The following CT47B1 variants were observed in gnomAD, a reference collection of about 807,000 sequenced individuals.
CT47B1 encodes the protein cancer/testis antigen family 47 member B1, also known as cancer/testis CT47 family, member 13.
In CT47B1, 24 loss-of-function variants were observed where a neutral mutation model predicts 12.8. The ratio of observed to expected loss-of-function variants is 1.87; its 90% CI spans 1.36 to 2.63. CT47B1 has a LOEUF of 2.63. CT47B1 is among the 30% of genes most tolerant of loss of function. CT47B1 has a pLI of 0.00. For synonymous variants in CT47B1, 228 were observed against 133.3 expected (o/e 1.71, Z -4.89); for missense variants, 523 against 271.3 (o/e 1.93, Z -6.52).
rs199691396 is a variant in CT47B1, at chrX:120,875,301, A to G, written c.370T>C (p.Phe124Leu). The G allele has an allele frequency of 4.4e-4, 527 of 1,210,153 alleles. 3 individuals are homozygous for G. The highest frequency in any genetic ancestry group is 4.9e-4 in the Non-Finnish European group (441 of 894,662). Reference sequence around the variant, plus strand: ...AGAAGGGAGTGGACCAGGTACAGGAACACGAAGCCAATGCCCGCCGCCGGG... The same window carrying G: ...AGAAGGGAGTGGACCAGGTACAGGAGCACGAAGCCAATGCCCGCCGCCGGG... ...RYPAAGIGFV[F>L]LYLVHSLLRR... is the part of the protein sequence containing the mutation. The change falls in exon 1 of 3, where the codon TTC becomes CTC. Residue 124 changes from phenylalanine (F) to leucine (L), a missense_variant. Coordinates refer to ENST00000371311, the MANE Select transcript of CT47B1 (RefSeq NM_001145718.3).
In CT47B1 at chrX:120,875,003, G is replaced by A. The variant is rs1449235933; in HGVS notation, c.668C>T (p.Ala223Val). The A allele has an allele frequency of 1.7e-6, 2 of 1,208,823 alleles. No individual in the cohort carries two copies. The highest frequency in any genetic ancestry group is 2.8e-4 in the Middle Eastern group (1 of 3,618). Residue 223 changes from alanine to valine, a missense_variant, in exon 1 of 3, where the codon GCA (alanine) becomes GTA (valine). Coordinates refer to ENST00000371311, the MANE Select transcript of CT47B1 (RefSeq NM_001145718.3). ...GGCCTCCTCTGGGGGTTTCTCATCT[G>A]CGGCCTCCTCCGCGGGCTCCCTGGC... ...EMAREPAEEA[A>V]DEKPPEEAAE... is the part of the protein sequence containing the mutation.
At chrX:120,874,596 T>C (rs867993398) in intron 1 of CT47B1, among the ~76,000 whole-genome samples, 26 of 111,271 alleles carry the variant, frequency 2.3e-4, no homozygotes, top group Non-Finnish European at 4.0e-4. Flanking sequence ...CCTATCTACC[T>C]GGCCATTCAT....
At position 120,874,817 on chromosome X, in the gene CT47B1, G is replaced by A. The variant is rs1433790315; in HGVS notation, c.775+79C>T. On this transcript the variant is annotated intron_variant, in intron 1 of 2. Transcript: ENST00000371311. ...CCCTTCACCACCCGCTTCACCAGCT[G>A]TGCCCGCACCGCAGCCCTGCCCAGA... is the stretch of plus-strand genomic sequence containing the variant. 25 of 1,164,305 alleles carry A rather than the reference G, an allele frequency of 2.1e-5. No individual in the cohort carries two copies. In the South Asian group the frequency reaches 3.1e-4, roughly 15 times the overall value.
At chrX:120,872,957 G>T (rs1330435261) in intron 2 of CT47B1, among the ~76,000 whole-genome samples, 3 of 100,070 alleles carry the variant, frequency 3.0e-5, no homozygotes, top group Non-Finnish European at 6.5e-5. Flanking sequence ...CACGAGCTTG[G>T]ATATCAGGGT....
Position 120,873,869 on chromosome X carries a change from A to T in CT47B1, c.*27T>A. 9.0e-7 allele frequency: 1 copy of T among 1,116,370 alleles called. No homozygotes were observed. The highest frequency in any genetic ancestry group is 1.2e-6 in the Non-Finnish European group (1 of 853,259). The allele number at this position is 1,116,370 out of a possible 1,213,427, so 92.0% of individuals were successfully genotyped here. The stretch of plus-strand genomic sequence containing the variant: ...CTCAAAGCTATACACAGATACCTGG[A>T]TTTTCTTGGCTTCACCTCTGCTGCG... On this transcript the variant is annotated 3_prime_UTR_variant, in exon 2 of 3. Transcript: ENST00000371311.
rs763526932 is a variant in CT47B1 at position 120,875,063 on chromosome X, GGGACCGACGCGGCCTCCT to G, written c.590_607del (p.Gln197_Val202del). ...CAGGTCAGCTGGCACTGCAGGCTCT[GGGACCGACGCGGCCTCCT>G]GGACCGACGCAGCCTCCTGGATCAG... On this transcript the variant is annotated inframe_deletion, in exon 1 of 3. Coordinates refer to ENST00000371311, the MANE Select transcript of CT47B1 (RefSeq NM_001145718.3). 1.4e-4 allele frequency: 171 copies of G among 1,208,312 alleles called. No homozygotes were observed. The highest frequency in any genetic ancestry group is 8.7e-4 in the Middle Eastern group (3 of 3,456).
rs1923918471 is a variant in CT47B1, at chrX:120,875,146, C to A, written c.525G>T (p.Leu175=). 3 of 1,210,864 alleles carry A rather than the reference C, an allele frequency of 2.5e-6. No individual in the cohort carries two copies. The East Asian group carries it at 8.9e-5, about 36-fold the overall frequency. ...CTTCTGGGGCTGCAGCCCCTGCACC[C>A]AGCCTCTGGGACAGCAGCAGCAGGG... ...NPPLLLLSQR[L]GAGAAAPEGE... The change falls in exon 1 of 3, where the codon CTG becomes CTT. Residue 175 remains leucine, a synonymous_variant. Transcript: ENST00000371311.
At position 120,873,016 on chromosome X, in the gene CT47B1, G is replaced by A. The variant is rs1465640770; in HGVS notation, c.*32-276C>T. Among the ~76,000 whole-genome samples the A allele has an allele frequency of 3.0e-5, 3 of 98,492 alleles. No homozygotes were observed. In the Admixed American group the frequency reaches 3.3e-4, roughly 11 times the overall value. 85.5% of individuals were successfully genotyped at this position (98,492 alleles called of 115,157 possible). ...TCAAATGATCACACCAACCTTGTCT[G>A]CCTAGCACTAGAAAAGCTTGTTGCT... On this transcript the variant is annotated intron_variant, in intron 2 of 2. Coordinates refer to ENST00000371311, the MANE Select transcript of CT47B1 (RefSeq NM_001145718.3).
Position 120,875,274 on chromosome X carries a change from G to T in CT47B1, c.397C>A (p.Arg133Ser). ...ATGTGGTCGTTGTGATAGAGGCGGC[G>T]GAGAAGGGAGTGGACCAGGTACAGG... ...VFLYLVHSLL[R>S]RLYHNDHIQI... is the part of the protein sequence containing the mutation. Residue 133 changes from arginine to serine, a missense_variant, in exon 1 of 3, where the codon CGC (arginine) becomes AGC (serine). Arg to Ser is a moderately radical substitution (Grantham distance 110, BLOSUM62 -1). Coordinates refer to ENST00000371311, the MANE Select transcript of CT47B1 (RefSeq NM_001145718.3). 8.3e-7 allele frequency: 1 copy of T among 1,211,334 alleles called. No individual in the cohort carries two copies. The highest frequency in any genetic ancestry group is 1.1e-6 in the Non-Finnish European group (1 of 894,888).
chrX:120,875,752 C>A lies in CT47B1; in HGVS notation c.-82G>T, dbSNP rs1409672241. ...ACGGTGACCACTGAGGTGGCTACGG[C>A]CGAGGGGAGGCGAGGAGCTGGCCGC... On this transcript the variant is annotated 5_prime_UTR_variant, in exon 1 of 3. Transcript: ENST00000371311. The A allele has an allele frequency of 2.5e-5, 13 of 518,746 alleles. No individual in the cohort carries two copies. The highest frequency in any genetic ancestry group is 2.9e-5 in the Non-Finnish European group (10 of 346,737). 42.8% of individuals were successfully genotyped at this position (518,746 alleles called of 1,213,427 possible).
At position 120,875,524 on chromosome X, in the gene CT47B1, G is replaced by C. The variant is rs759434121; in HGVS notation, c.147C>G (p.Ala49=). The change falls in exon 1 of 3, where the codon GCC becomes GCG. Residue 49 remains alanine, a synonymous_variant. Transcript: ENST00000371311. ...GPDSSDMVPA[A]EVVGVAGPVE... ...CGGGCCCTGCGACTCCGACCACCTC[G>C]GCCGCAGGCACCATGTCGCTGCTGT... The C allele has an allele frequency of 1.2e-5, 14 of 1,194,471 alleles. No individual in the cohort carries two copies. The highest frequency in any genetic ancestry group is 1.6e-5 in the Non-Finnish European group (14 of 893,372).
Position 120,873,913 on chromosome X carries a change from T to G in CT47B1, c.883A>C (p.Asn295His). Reference protein sequence around the residue: ...KEKDVENKVKNSKGT With the variant: ...KEKDVENKVKHSKGT ...TGCTGCGTCTAGGTCCCTTTGGAGT[T>G]CTTCACCTTGTTTTCCACATCCTTC... Residue 295 changes from asparagine to histidine, a missense_variant, in exon 2 of 3, where the codon AAC becomes CAC. Coordinates refer to ENST00000371311, the MANE Select transcript of CT47B1 (RefSeq NM_001145718.3). 2 of 1,164,822 alleles carry G rather than the reference T, an allele frequency of 1.7e-6. No homozygotes were observed. The highest frequency in any genetic ancestry group is 2.3e-6 in the Non-Finnish European group (2 of 881,117).
rs1209499178 is a variant in CT47B1, at chrX:120,875,237, T to A, written c.434A>T (p.Asn145Ile). The change falls in exon 1 of 3, where the codon AAC becomes ATC. Residue 145 changes from asparagine (N) to isoleucine (I), a missense_variant. Physicochemically the swap from Asn to Ile is moderately radical, Grantham distance 149. Coordinates refer to ENST00000371311, the MANE Select transcript of CT47B1 (RefSeq NM_001145718.3). ...LYHNDHIQIA[N>I]RHLSRLMVGP... is the part of the protein sequence containing the mutation. The stretch of plus-strand genomic sequence containing the variant: ...CACCATCAGGCGGCTGAGGTGACGG[T>A]TCGCTATCTGGATGTGGTCGTTGTG... 1 of 1,210,992 alleles carries A rather than the reference T, an allele frequency of 8.3e-7. No individual in the cohort carries two copies. The highest frequency in any genetic ancestry group is 3.0e-5 in the East Asian group (1 of 33,829).
At position 120,872,751 on chromosome X, in the gene CT47B1, A is replaced by T. The variant is rs867501964; in HGVS notation, c.*32-11T>A. 1.0e-5 allele frequency: 1 copy of T among 98,858 alleles called. No homozygotes were observed. Among genetic ancestry groups the T allele is most frequent in the African/African-American group, 3.3e-5 (1 of 29,925 alleles). The allele number at this position is 98,858 out of a possible 1,213,427, so 8.1% of individuals were successfully genotyped here. The stretch of plus-strand genomic sequence containing the variant: ...AATTCCCACAGGCATCTGAAAAAAA[A>T]ATAAAACAATGAACAACAGAGTCTT... On this transcript the variant is annotated splice_polypyrimidine_tract_variant and intron_variant, in intron 2 of 2. Coordinates refer to ENST00000371311, the MANE Select transcript of CT47B1 (RefSeq NM_001145718.3).
At chrX:120,873,360 T>A (rs1172737004) in intron 2 of CT47B1, among the ~76,000 whole-genome samples, 1 of 97,628 alleles carries the variant, frequency 1.0e-5, no homozygotes, top group Non-Finnish European at 2.2e-5. Flanking sequence ...AATAAATATA[T>A]AGGTATTAGT....
chrX:120,875,231 T>A lies in CT47B1; in HGVS notation c.440A>T (p.His147Leu), dbSNP rs1269576658. 8.3e-7 allele frequency: 1 copy of A among 1,210,911 alleles called. No homozygotes were observed. The highest frequency in any genetic ancestry group is 2.3e-4 in the Middle Eastern group (1 of 4,325). The change falls in exon 1 of 3, where the codon CAC becomes CTC. Residue 147 changes from histidine to leucine, a missense_variant. Coordinates refer to ENST00000371311, the MANE Select transcript of CT47B1 (RefSeq NM_001145718.3). ...GGGCCCCACCATCAGGCGGCTGAGG[T>A]GACGGTTCGCTATCTGGATGTGGTC... ...HNDHIQIANR[H>L]LSRLMVGPHA...
intron 1 of CT47B1, 118 bp downstream of exon 1, chrX:120,874,778 C>T (rs1448151609): frequency 1.9e-5 from 21 of 1,082,640 alleles, no homozygotes; most frequent in Non-Finnish European, 2.2e-5. Flanking sequence ...CTTCACCACC[C>T]GAGGCCCCGA....
chrX:120,872,719 G>C lies in CT47B1; in HGVS notation c.*53C>G, dbSNP rs1468457619. ...GATGTAACGAACTTTGGAATGATAT[G>C]TGTTACAATTCCCACAGGCATCTGA... On this transcript the variant is annotated 3_prime_UTR_variant, in exon 3 of 3. Coordinates refer to ENST00000371311, the MANE Select transcript of CT47B1 (RefSeq NM_001145718.3). The C allele has an allele frequency of 9.4e-6, 1 of 106,395 alleles. No homozygotes were observed. The highest frequency in any genetic ancestry group is 2.0e-5 in the Non-Finnish European group (1 of 49,607). The allele number at this position is 106,395 out of a possible 1,213,427, so 8.8% of individuals were successfully genotyped here.
In CT47B1 at chrX:120,873,994, A is replaced by C. The variant is rs1452758286; in HGVS notation, c.802T>G (p.Trp268Gly). The change falls in exon 2 of 3, where the codon TGG (tryptophan) becomes GGG (glycine). Residue 268 changes from tryptophan to glycine, a missense_variant. Trp to Gly is a radical substitution (Grantham distance 184). Transcript: ENST00000371311. ...EEVTKSQPEK[W>G]DEEAQDAAGE... ...GCAGCATCTTGGGCCTCTTCATCCC[A>C]CTTTTCGGGCTGAGATTTAGTGACT... 1 of 591,130 alleles carries C rather than the reference A, an allele frequency of 1.7e-6. No individual in the cohort carries two copies. Among genetic ancestry groups the C allele is most frequent in the Middle Eastern group, 5.4e-4 (1 of 1,864 alleles). 48.7% of individuals were successfully genotyped at this position (591,130 alleles called of 1,213,427 possible).
Sources: allele counts gnomAD v4.1 joint callset (sites outside exome capture counted in the v4.1 genomes callset), GRCh38; gene constraint gnomAD v4.1.1; transcripts MANE v1.5; gene names NCBI Gene and HGNC (gene_info 2026-07-23, HGNC 2026-07-21).